Variants in MPP3 observed in about 807,000 individuals in gnomAD.
MPP3 encodes the protein MAGUK p55 subfamily member 3.
Under a neutral mutation model 80.7 loss-of-function variants are expected in MPP3, and 48 were observed. That is an observed-to-expected ratio of 0.59 (90% confidence interval 0.47 to 0.76). MPP3 has a LOEUF of 0.76. Among genes scored for constraint, MPP3 ranks in the 30% least tolerant of loss-of-function variants. The pLI is 0.00. For synonymous variants in MPP3, 311 were observed against 297.6 expected (o/e 1.04, Z -0.46); for missense variants, 620 against 763.0 (o/e 0.81, Z 2.21).
Position 43,813,999 on chromosome 17 carries a change from G to C in MPP3, c.1255+12C>G. The C allele has an allele frequency of 1.2e-6, 2 of 1,602,772 alleles. No homozygotes were observed. Among genetic ancestry groups the C allele is most frequent in the South Asian group, 2.2e-5 (2 of 90,210 alleles). ...TGCAGACAAACACACACTCCCACAT[G>C]GGCCCTCTTACGTGGAACAGCGACG... On this transcript the variant is annotated intron_variant, in intron 16 of 19. Transcript: ENST00000398389.
In MPP3 at chr17:43,814,243, C is replaced by T. The variant is rs780246580; in HGVS notation, c.1128G>A (p.Arg376=). The change falls in exon 15 of 20, where the codon AGG becomes AGA. Residue 376 remains arginine (R), a synonymous_variant. Coordinates refer to ENST00000398389, the MANE Select transcript of MPP3 (RefSeq NM_001932.6). ...PELLTYEEVA[R]YQHQPGERPR... ...GCCGCTCTCCGGGCTGGTGTTGGTA[C>T]CTGGCCACCTCTTCGTAAGTCAGCA... 36 of 1,613,496 alleles carry T rather than the reference C, an allele frequency of 2.2e-5. 1 individual carries two copies. In the South Asian group the frequency reaches 3.7e-4, roughly 17 times the overall value.
At position 43,818,049 on chromosome 17, in the gene MPP3, G is replaced by T. The variant is rs1000044590; in HGVS notation, c.943C>A (p.Pro315Thr). The T allele has an allele frequency of 9.5e-6, 15 of 1,582,602 alleles. No homozygotes were observed. Among genetic ancestry groups the T allele is most frequent in the Non-Finnish European group, 1.3e-5 (15 of 1,164,062 alleles). Reference protein sequence around the residue: ...LPSPQSLRKPPYDQPCDKETC... With the variant: ...LPSPQSLRKPTYDQPCDKETC... Reference sequence around the variant, plus strand: ...CCATCCCTGACAATCTACTCACAGGGGGGCTTCCTGAGGCTCTGGGGGCTC... The same window carrying T: ...CCATCCCTGACAATCTACTCACAGGTGGGCTTCCTGAGGCTCTGGGGGCTC... The change falls in exon 12 of 20, where the codon CCC becomes ACC. Residue 315 changes from proline to threonine, a missense_variant. Physicochemically the swap from Pro to Thr is conservative, Grantham distance 38. Coordinates refer to ENST00000398389, the MANE Select transcript of MPP3 (RefSeq NM_001932.6).
At position 43,814,352 on chromosome 17, in the gene MPP3, C is replaced by T. The variant is rs2045013858; in HGVS notation, c.1019G>A (p.Arg340Gln). ...CCTACAGCCCAGCCGGAAGCTCCTC[C>T]GAAGACCAGCTTGGGAGGAGGGGCA... ...YLKGHYVAGL[R>Q]RSFRLGCRER... Residue 340 changes from arginine to glutamine, a missense_variant, in exon 15 of 20, where the codon CGG (arginine) becomes CAG (glutamine). Coordinates refer to ENST00000398389, the MANE Select transcript of MPP3 (RefSeq NM_001932.6). The T allele has an allele frequency of 4.4e-6, 7 of 1,601,904 alleles. No homozygotes were observed. Among genetic ancestry groups the T allele is most frequent in the East Asian group, 2.2e-5 (1 of 44,840 alleles).
intron 11 of MPP3, chr17:43,819,048 G>C (rs1363065992): frequency 6.6e-6 from 1 of 152,198 alleles, no homozygotes; most frequent in Non-Finnish European, 1.5e-5. Context: ...AGGAGACAGA[G>C]CTTCGTTCTC....
chr17:43,818,006 C>T lies in MPP3; in HGVS notation c.946+40G>A, dbSNP rs929468247. ...CCTGAATCCTCCCTCGCCCTAACCC[C>T]GGGCCCTCCCTGGAGTGCCATCCCT... On this transcript the variant is annotated intron_variant, in intron 12 of 19. Coordinates refer to ENST00000398389, the MANE Select transcript of MPP3 (RefSeq NM_001932.6). The T allele has an allele frequency of 3.3e-5, 51 of 1,531,810 alleles. No homozygotes were observed. In the Admixed American group the frequency reaches 6.2e-4, roughly 19 times the overall value. 94.9% of individuals were successfully genotyped at this position (1,531,810 alleles called of 1,614,324 possible).
At chr17:43,816,754 T>C (rs1349883849) in intron 12 of MPP3, 57 bp from the exon 13 acceptor site, 18 of 1,541,996 alleles carry the variant, frequency 1.2e-5, no homozygotes, top group Non-Finnish European at 1.6e-5. Flanking sequence ...GCGGGGACCC[T>C]GCGGCTGAGG....
chr17:43,828,611 A>G (rs1211863465), intron 7 of MPP3, among the ~76,000 whole-genome samples: 1 of 152,244 alleles, frequency 6.6e-6, no homozygotes, highest in Admixed American at 6.5e-5. Flanking sequence ...CACTTAGTAC[A>G]CAGTAAGCAC....
intron 10 of MPP3, among the ~76,000 whole-genome samples, chr17:43,821,517 T>C (rs760484778): frequency 2.6e-5 from 4 of 152,140 alleles, no homozygotes; most frequent in Non-Finnish European, 4.4e-5. Flanking sequence ...AACACAAATA[T>C]CAACAAAACT....
chr17:43,823,827 G>T, intron 10 of MPP3, 104 bp downstream of exon 10: 2 of 791,548 alleles, frequency 2.5e-6, no homozygotes, highest in Non-Finnish European at 4.2e-6. Flanking sequence ...TCTATGATCT[G>T]TTCGCAAATG....
chr17:43,830,604 G>C (rs1385318892), intron 5 of MPP3, among the ~76,000 whole-genome samples: 1 of 152,124 alleles, frequency 6.6e-6, no homozygotes, highest in Non-Finnish European at 1.5e-5. Flanking sequence ...GCTGAGCCTG[G>C]GAGCCAGGCA....
chr17:43,824,123 G>A lies in MPP3; in HGVS notation c.610-118C>T, dbSNP rs1488372800. On this transcript the variant is annotated intron_variant, in intron 9 of 19. Transcript: ENST00000398389. ...GAAAGTCAGACTTGCAGCCTCCCCT[G>A]AGGCCCACTCTTCTAGGATGGTGCC... 3 of 652,364 alleles carry A rather than the reference G, an allele frequency of 4.6e-6. No homozygotes were observed. The African/African-American group carries it at 5.7e-5, about 12-fold the overall frequency. The allele number at this position is 652,364 out of a possible 1,614,324, so 40.4% of individuals were successfully genotyped here.
intron 1 of MPP3, 140 bp downstream of exon 1, chr17:43,832,961 G>T: frequency 6.6e-6 from 1 of 151,538 alleles, no homozygotes; most frequent in South Asian, 1.9e-4. Context: ...GGGGGCCGAG[G>T]GGCGGGGTTG....
chr17:43,816,824 C>T lies in MPP3; in HGVS notation c.947-127G>A, dbSNP rs7214169. ...TCTGGCCTCTTTCCCTTTCCTCCAACGAACCTGTGATCTGAGCTGTGGTAC... is the reference window on the plus strand; with the variant it reads ...TCTGGCCTCTTTCCCTTTCCTCCAATGAACCTGTGATCTGAGCTGTGGTAC... On this transcript the variant is annotated intron_variant, in intron 12 of 19. Transcript: ENST00000398389. 10,965 of 827,994 alleles carry T rather than the reference C, an allele frequency of 0.013. 724 individuals carry two copies. In the African/African-American group the frequency reaches 0.15, roughly 12 times the overall value. The allele number at this position is 827,994 out of a possible 1,614,324, so 51.3% of individuals were successfully genotyped here.
chr17:43,810,949 T>G lies in MPP3; in HGVS notation c.1350-34A>C, dbSNP rs762373259. ...CCACCAAAGGGGAAAAGGCCTTTAGTTCCTCAGCTTTCCTAAATTAGCAAA... is the reference window on the plus strand; with the variant it reads ...CCACCAAAGGGGAAAAGGCCTTTAGGTCCTCAGCTTTCCTAAATTAGCAAA... On this transcript the variant is annotated intron_variant, in intron 17 of 19. Coordinates refer to ENST00000398389, the MANE Select transcript of MPP3 (RefSeq NM_001932.6). The G allele has an allele frequency of 2.7e-6, 4 of 1,508,456 alleles. No individual in the cohort carries two copies. In the South Asian group the frequency reaches 4.8e-5, roughly 18 times the overall value. The allele number at this position is 1,508,456 out of a possible 1,614,324, so 93.4% of individuals were successfully genotyped here.
intron 9 of MPP3, among the ~76,000 whole-genome samples, chr17:43,824,853 C>A (rs1051406777): frequency 6.6e-6 from 1 of 152,182 alleles, no homozygotes; most frequent in Non-Finnish European, 1.5e-5. Flanking sequence ...CGACTCCCTG[C>A]AACCTCCACC....
At chr17:43,827,678 T>C (rs1290730524) in intron 8 of MPP3, 73 bp downstream of exon 8, 2 of 1,462,026 alleles carry the variant, frequency 1.4e-6, no homozygotes, top group Non-Finnish European at 1.9e-6. Context: ...AGGGGACCTA[T>C]TAGCAAAGGT....
At chr17:43,831,149 C>T in intron 5 of MPP3, 95 bp downstream of exon 5, 2 of 1,145,442 alleles carry the variant, frequency 1.7e-6, no homozygotes, top group Non-Finnish European at 2.6e-6. Flanking sequence ...GCTCCTGATT[C>T]CCGGTGTCCC....
At chr17:43,802,121 T>C (rs2044433631) in intron 19 of MPP3, among the ~76,000 whole-genome samples, 1 of 152,146 alleles carries the variant, frequency 6.6e-6, no homozygotes, top group Non-Finnish European at 1.5e-5. Context: ...GAATACCTCC[T>C]GAGGACCTAT....
At chr17:43,819,346 G>C (rs2045309187) in intron 11 of MPP3, among the ~76,000 whole-genome samples, 1 of 152,194 alleles carries the variant, frequency 6.6e-6, no homozygotes, top group Non-Finnish European at 1.5e-5. Flanking sequence ...GAAACATGAG[G>C]AACAGTCTAT....
Sources: gnomAD v4.1 joint callset for allele counts (sites outside exome capture counted in the v4.1 genomes callset) on GRCh38, gnomAD v4.1.1 for gene constraint, MANE v1.5 for transcripts, NCBI Gene and HGNC (gene_info 2026-07-23, HGNC 2026-07-21) for gene names.